DNAH11: variants seen among roughly 807,000 people sequenced by gnomAD.
The protein encoded by DNAH11 is axonemal beta dynein heavy chain 11.
Under a neutral mutation model 526.0 loss-of-function variants are expected in DNAH11, and 442 were observed. The observed-to-expected ratio is 0.84, with a 90% CI of 0.78 to 0.91. The LOEUF (loss-of-function observed/expected upper bound fraction) is 0.91. DNAH11 is among the 40% of genes least tolerant of loss of function. DNAH11 has a pLI of 0.00. For missense variants in DNAH11, 6,989 were observed against 5,448.7 expected (o/e 1.28, Z -8.90); for synonymous variants, 2,461 against 1,935.9 (o/e 1.27, Z -7.12).
At chr7:21,814,109 A>G (rs1454444924) in intron 63 of DNAH11, among the ~76,000 whole-genome samples, 2 of 152,188 alleles carry the variant, frequency 1.3e-5, no homozygotes, top group Non-Finnish European at 2.9e-5. Context: ...CACAATGGTA[A>G]GTATTTGTGC....
At chr7:21,789,777 C>CTTTCTTTCTTTCTT (rs1244232049) in intron 61 of DNAH11, among the ~76,000 whole-genome samples, 2 of 78,922 alleles carry the variant, frequency 2.5e-5, no homozygotes, top group African/African-American at 8.7e-5. Flanking sequence ...TTCTTTCTTT[C>CTTTCTTTCTTTCTT]TTTCTTTCTT....
Position 21,801,133 on chromosome 7 carries a change from T to G in DNAH11, c.10027-4T>G. ...ACTCAAAAGTTAATTCAACTCTGATTCAGGATCTGGATCGAAATCTGAGCA... is the reference window on the plus strand; with the variant it reads ...ACTCAAAAGTTAATTCAACTCTGATGCAGGATCTGGATCGAAATCTGAGCA... On this transcript the variant is annotated splice_region_variant and splice_polypyrimidine_tract_variant and intron_variant, in intron 61 of 81. Coordinates refer to ENST00000409508, the MANE Select transcript of DNAH11 (RefSeq NM_001277115.2). 6.2e-7 allele frequency: 1 copy of G among 1,603,926 alleles called. No individual in the cohort carries two copies. Among genetic ancestry groups the G allele is most frequent in the Non-Finnish European group, 8.5e-7 (1 of 1,174,498 alleles).
intron 25 of DNAH11, among the ~76,000 whole-genome samples, chr7:21,628,920 T>C (rs888621384): frequency 1.7e-4 from 26 of 152,150 alleles, no homozygotes; most frequent in African/African-American, 6.0e-4. Context: ...GCTCTCATCC[T>C]TGTTATTCCC....
At position 21,601,317 on chromosome 7, in the gene DNAH11, A is replaced by T. The variant is rs892199263; in HGVS notation, c.3426-79A>T. ...TAATCAGGTACATAATGAAAATAAG[A>T]TTCAATCAGAAGTCTTATACTGCTA... is the stretch of plus-strand genomic sequence containing the variant. On this transcript the variant is annotated intron_variant, in intron 17 of 81. Transcript: ENST00000409508. 4 of 1,467,768 alleles carry T rather than the reference A, an allele frequency of 2.7e-6. No homozygotes were observed. In the African/African-American group the frequency reaches 5.7e-5, roughly 21 times the overall value. The allele number at this position is 1,467,768 out of a possible 1,614,324, so 90.9% of individuals were successfully genotyped here.
At chr7:21,890,856 G>A (rs945012682) in intron 76 of DNAH11, among the ~76,000 whole-genome samples, 1 of 152,076 alleles carries the variant, frequency 6.6e-6, no homozygotes, top group Non-Finnish European at 1.5e-5. Flanking sequence ...TATTCATCGG[G>A]TCAAGATTTC....
chr7:21,799,566 G>A lies in DNAH11; in HGVS notation c.10027-1571G>A, dbSNP rs190695758. Among the ~76,000 whole-genome samples, 18 of 152,254 alleles carry A rather than the reference G, an allele frequency of 1.2e-4. No individual in the cohort carries two copies. In the East Asian group the frequency reaches 3.5e-3, roughly 29 times the overall value. On this transcript the variant is annotated intron_variant, in intron 61 of 81. Transcript: ENST00000409508. ...TTGGCCAGGCTGGTCTTGAACTCCT[G>A]ACCTCGTGATCTGCCTGCCTCAGCC...
intron 36 of DNAH11, among the ~76,000 whole-genome samples, chr7:21,699,791 AT>A (rs1336781043): frequency 2.6e-5 from 4 of 151,808 alleles, no homozygotes; most frequent in Non-Finnish European, 5.9e-5. Context: ...AACTATATCT[AT>A]TTTCAGTAGT....
Position 21,558,850 on chromosome 7 carries a change from T to A in DNAH11, c.544T>A (p.Cys182Ser), listed in dbSNP as rs755656696. 6.2e-7 allele frequency: 1 copy of A among 1,609,126 alleles called. No individual in the cohort carries two copies. The part of the protein sequence containing the change: ...SNKNNHKSWS[C>S]FTSQDMEYHI... ...TAAGAACAACCATAAGTCCTGGTCC[T>A]GTTTTACTTCACAAGATATGGAATA... Residue 182 changes from cysteine (C) to serine (S), a missense_variant, in exon 3 of 82, where the codon TGT becomes AGT. Coordinates refer to ENST00000409508, the MANE Select transcript of DNAH11 (RefSeq NM_001277115.2).
chr7:21,787,586 A>G lies in DNAH11; in HGVS notation c.9924+3A>G. ...TCAACATCATTAAATTCTATGAGGT[A>G]TCAATCCTAAATTGATTGTTTACAG... is the stretch of plus-strand genomic sequence containing the variant. On this transcript the variant is annotated splice_donor_region_variant and intron_variant, in intron 60 of 81. Coordinates refer to ENST00000409508, the MANE Select transcript of DNAH11 (RefSeq NM_001277115.2). 1.9e-6 allele frequency: 3 copies of G among 1,605,508 alleles called. No individual in the cohort carries two copies. Among genetic ancestry groups the G allele is most frequent in the Non-Finnish European group, 2.6e-6 (3 of 1,175,780 alleles).
Position 21,691,096 on chromosome 7 carries a change from G to A in DNAH11, c.6041+215G>A, listed in dbSNP as rs144641282. ...CTCAAAATCAGTATTTAAAAGTTACGTGGTATATTTGCATATTTACTGTTA... is the reference window on the plus strand; with the variant it reads ...CTCAAAATCAGTATTTAAAAGTTACATGGTATATTTGCATATTTACTGTTA... On this transcript the variant is annotated intron_variant, in intron 35 of 81. Transcript: ENST00000409508. Among the ~76,000 whole-genome samples, 24 of 151,776 alleles carry A rather than the reference G, an allele frequency of 1.6e-4. No individual in the cohort carries two copies. The East Asian group carries it at 2.9e-3, about 18-fold the overall frequency.
chr7:21,830,933 C>T (rs1378880512), intron 65 of DNAH11, among the ~76,000 whole-genome samples: 1 of 152,154 alleles, frequency 6.6e-6, no homozygotes. Context: ...CATCTCCAAA[C>T]CAGCAAATCT....
intron 51 of DNAH11, among the ~76,000 whole-genome samples, 183 bp downstream of exon 51, chr7:21,745,246 T>C (rs1026745177): frequency 6.6e-6 from 1 of 152,178 alleles, no homozygotes; most frequent in Admixed American, 6.5e-5. Flanking sequence ...ATGTCTTACA[T>C]AGGCACACTG....
In DNAH11 at chr7:21,702,801, A is replaced by G. The variant is rs1784119877; in HGVS notation, c.6272A>G (p.Gln2091Arg). The part of the protein sequence containing the change: ...KRGDKNRPED[Q>R]VLMRALRDFN... Reference sequence around the variant, plus strand: ...GGAGATAAAAATAGACCCGAAGATCAGGTACTGCAATGCTAATATGATTTT... The same window carrying G: ...GGAGATAAAAATAGACCCGAAGATCGGGTACTGCAATGCTAATATGATTTT... The change falls in exon 37 of 82, where the codon CAG (glutamine) becomes CGG (arginine). Residue 2091 changes from glutamine to arginine, a missense_variant and splice_region_variant. By Grantham distance (43) the Gln-to-Arg change is conservative (BLOSUM62 1). Coordinates refer to ENST00000409508, the MANE Select transcript of DNAH11 (RefSeq NM_001277115.2). The G allele has an allele frequency of 6.2e-7, 1 of 1,611,498 alleles. No individual in the cohort carries two copies. The highest frequency in any genetic ancestry group is 1.3e-5 in the African/African-American group (1 of 75,006).
intron 79 of DNAH11, 33 bp from the exon 80 acceptor site, chr7:21,899,303 A>G (rs2128051747): frequency 6.4e-7 from 1 of 1,564,714 alleles, no homozygotes; most frequent in Non-Finnish European, 8.8e-7. Flanking sequence ...TTTACTGAAC[A>G]GCAAGTTTTT....
Position 21,561,008 on chromosome 7 carries a change from A to G in DNAH11, c.883-63A>G, listed in dbSNP as rs72655975. ...TGGAATTTAAATATTTTATTACAGA[A>G]TGCATGTATTTAGTAATCGAGTTTA... On this transcript the variant is annotated intron_variant, in intron 4 of 81. Transcript: ENST00000409508. 0.011 allele frequency: 12,058 copies of G among 1,082,624 alleles called. 1,137 individuals are homozygous for G. In the Admixed American group the frequency reaches 0.19, roughly 17 times the overall value. 67.1% of individuals were successfully genotyped at this position (1,082,624 alleles called of 1,614,324 possible). A position where few individuals can be genotyped will look rare whatever the true frequency, so the allele number is the denominator to read the frequency against.
In DNAH11 at chr7:21,690,841, G is replaced by C; in HGVS notation, c.6001G>C (p.Gly2001Arg). Reference sequence around the variant, plus strand: ...TATTACTATGAACCCGGGTTATGCTGGTCGAACCGAATTACCGGAAAATCT... The same window carrying C: ...TATTACTATGAACCCGGGTTATGCTCGTCGAACCGAATTACCGGAAAATCT... Reference protein sequence around the residue: ...IFITMNPGYAGRTELPENLKA... With the variant: ...IFITMNPGYARRTELPENLKA... Residue 2001 changes from glycine (G) to arginine (R), a missense_variant, in exon 35 of 82, where the codon GGT (glycine) becomes CGT (arginine). Physicochemically the swap from Gly to Arg is moderately radical, Grantham distance 125 (BLOSUM62 -2). Transcript: ENST00000409508. The C allele has an allele frequency of 1.9e-6, 3 of 1,612,554 alleles. No individual in the cohort carries two copies. The highest frequency in any genetic ancestry group is 2.5e-6 in the Non-Finnish European group (3 of 1,179,398).
chr7:21,787,292 C>G (rs1788232770), intron 59 of DNAH11, 109 bp from the exon 60 acceptor site: 1 of 1,058,238 alleles, frequency 9.4e-7, no homozygotes, highest in Admixed American at 2.7e-5. Context: ...TGCAGCTTGC[C>G]AATTTTGCTT....
intron 22 of DNAH11, 54 bp downstream of exon 22, chr7:21,616,346 T>G (rs1785783822): frequency 7.2e-7 from 1 of 1,383,388 alleles, no homozygotes; most frequent in Non-Finnish European, 1.0e-6. Flanking sequence ...CACCACCTCC[T>G]TCCATCTTCC....
At chr7:21,668,564 C>A (rs1465177964) in intron 30 of DNAH11, among the ~76,000 whole-genome samples, 1 of 152,160 alleles carries the variant, frequency 6.6e-6, no homozygotes, top group Non-Finnish European at 1.5e-5. Context: ...CTTCTGCCAG[C>A]ATCCATGACT....
Sources: gnomAD v4.1 joint callset for allele counts (sites outside exome capture counted in the v4.1 genomes callset) on GRCh38, gnomAD v4.1.1 for gene constraint, MANE v1.5 for transcripts, NCBI Gene and HGNC (gene_info 2026-07-23, HGNC 2026-07-21) for gene names.